MINDY3: variants seen among roughly 807,000 people sequenced by gnomAD.
MINDY3 encodes the protein MINDY lysine 48 deubiquitinase 3, also known as ubiquitin carboxyl-terminal hydrolase MINDY-3.
In MINDY3, 38 loss-of-function variants were observed where a neutral mutation model predicts 69.2. The observed-to-expected ratio is 0.55, with a 90% CI of 0.42 to 0.72. The LOEUF (loss-of-function observed/expected upper bound fraction) is 0.72. MINDY3 is among the 30% of genes least tolerant of loss of function. MINDY3 has a pLI of 0.00. For missense variants in MINDY3, 522 were observed against 519.0 expected (o/e 1.01, Z -0.06); for synonymous variants, 192 against 180.1 (o/e 1.07, Z -0.53).
rs1836314640 is a variant in MINDY3 at position 15,779,111 on chromosome 10, T to G, written c.1219A>C (p.Met407Leu). 6.2e-7 allele frequency: 1 copy of G among 1,613,458 alleles called. No homozygotes were observed. The highest frequency in any genetic ancestry group is 8.5e-7 in the Non-Finnish European group (1 of 1,179,736). The change falls in exon 15 of 15, where the codon ATG (methionine) becomes CTG (leucine). Residue 407 changes from methionine (M) to leucine (L), a missense_variant. Physicochemically the swap from Met to Leu is conservative, Grantham distance 15. Coordinates refer to ENST00000277632, the MANE Select transcript of MINDY3 (RefSeq NM_024948.4). The stretch of plus-strand genomic sequence containing the variant: ...TGTAGCATGGGATCTTCAAAACCCA[T>G]CACAACTGCAGTCCCTTCTACGTAC... The part of the protein sequence containing the change: ...VMYVEGTAVV[M>L]GFEDPMLQTD...
At position 15,823,466 on chromosome 10, in the gene MINDY3, G is replaced by A. The variant is rs550784932; in HGVS notation, c.731-1740C>T. ...ATCCGGCTGTCTACTAATAAGCCAA[G>A]CATTAAAGGGATTTGCAAAAATTTA... On this transcript the variant is annotated intron_variant, in intron 8 of 14. Coordinates refer to ENST00000277632, the MANE Select transcript of MINDY3 (RefSeq NM_024948.4). 1.4e-4 allele frequency among the ~76,000 whole-genome samples: 22 copies of A among 152,174 alleles called. 1 individual carries two copies. In the South Asian group the frequency reaches 4.4e-3, roughly 30 times the overall value.
intron 2 of MINDY3, among the ~76,000 whole-genome samples, chr10:15,847,045 T>C (rs1020519932): frequency 4.6e-5 from 7 of 152,080 alleles, no homozygotes; most frequent in African/African-American, 1.7e-4. Context: ...TAATACCCAA[T>C]GAATAATAAA....
chr10:15,848,083 A>C, intron 1 of MINDY3, 140 bp from the exon 2 acceptor site: 2 of 674,548 alleles, frequency 3.0e-6, no homozygotes, highest in Non-Finnish European at 5.1e-6. Flanking sequence ...GGATCAAGGA[A>C]CCTTTTGAAA....
At chr10:15,790,606 A>G (rs953114480) in intron 11 of MINDY3, among the ~76,000 whole-genome samples, 17 of 152,158 alleles carry the variant, frequency 1.1e-4, no homozygotes, top group African/African-American at 3.6e-4. Flanking sequence ...ACCAACAGAC[A>G]GGAACAATTA....
intron 11 of MINDY3, among the ~76,000 whole-genome samples, chr10:15,794,348 G>GA (rs922841178): frequency 6.6e-6 from 1 of 151,720 alleles, no homozygotes; most frequent in African/African-American, 2.4e-5. Flanking sequence ...TAAGTGAAAA[G>GA]AAAAAAAACT....
chr10:15,782,123 T>G (rs764556987), intron 14 of MINDY3, 32 bp downstream of exon 14: 17 of 1,492,346 alleles, frequency 1.1e-5, no homozygotes, highest in Admixed American at 1.7e-5. Context: ...ATCAACCCAG[T>G]TGAACACCGA....
intron 1 of MINDY3, among the ~76,000 whole-genome samples, chr10:15,852,901 C>T (rs1302775896): frequency 6.6e-6 from 1 of 152,248 alleles, no homozygotes; most frequent in Admixed American, 6.5e-5. Context: ...TTTTTCATAT[C>T]ATTCCCTAAA....
chr10:15,810,597 T>C (rs1490082222), intron 10 of MINDY3, among the ~76,000 whole-genome samples: 12 of 152,136 alleles, frequency 7.9e-5, no homozygotes, highest in Admixed American at 7.9e-4. Flanking sequence ...AGTAATAACA[T>C]GGTCATCTCA....
intron 1 of MINDY3, among the ~76,000 whole-genome samples, chr10:15,854,361 C>G (rs1834542092): frequency 1.3e-5 from 2 of 152,100 alleles, no homozygotes; most frequent in South Asian, 4.1e-4. Context: ...TTGCCACAGA[C>G]TGGAGAAGCC....
chr10:15,860,159 G>A, intron 1 of MINDY3, 47 bp downstream of exon 1: 1 of 1,432,242 alleles, frequency 7.0e-7, no homozygotes, highest in Non-Finnish European at 9.7e-7. Context: ...GACTCTCGCA[G>A]GGCAAAAGAA....
intron 11 of MINDY3, among the ~76,000 whole-genome samples, chr10:15,789,644 C>T (rs2131851866): frequency 6.6e-6 from 1 of 152,196 alleles, no homozygotes; most frequent in East Asian, 1.9e-4. Context: ...TTAGGTTTAT[C>T]TTTCAATAAA....
chr10:15,790,983 A>G (rs1156564593), intron 11 of MINDY3, among the ~76,000 whole-genome samples: 1 of 152,124 alleles, frequency 6.6e-6, no homozygotes, highest in Non-Finnish European at 1.5e-5. Flanking sequence ...CAAAAACAAC[A>G]ATGTGACCTT....
At chr10:15,845,784 G>A (rs1182410949) in intron 2 of MINDY3, among the ~76,000 whole-genome samples, 2 of 149,482 alleles carry the variant, frequency 1.3e-5, no homozygotes, top group Admixed American at 1.3e-4. Flanking sequence ...TGGGCTTACA[G>A]GTGTGAGCCA....
intron 10 of MINDY3, among the ~76,000 whole-genome samples, chr10:15,811,066 T>C (rs1349400833): frequency 6.6e-6 from 1 of 152,110 alleles, no homozygotes; most frequent in African/African-American, 2.4e-5. Context: ...AAAATTCAGT[T>C]TTCAAACTCT....
rs145424155 is a variant in MINDY3, at chr10:15,820,948, TA to T, written c.801+707del. Among the ~76,000 whole-genome samples, 646 of 152,234 alleles carry T rather than the reference TA, an allele frequency of 4.2e-3. 19 individuals carry two copies. In the East Asian group the frequency reaches 0.056, roughly 13 times the overall value. Reference sequence around the variant, plus strand: ...AACATAGCAAGACCCTGTCTCTATTTAAAAAAATTTTTTTAATGAAAAAGAA... The same window carrying T: ...AACATAGCAAGACCCTGTCTCTATTTAAAAAATTTTTTTAATGAAAAAGAA... On this transcript the variant is annotated intron_variant, in intron 9 of 14. Coordinates refer to ENST00000277632, the MANE Select transcript of MINDY3 (RefSeq NM_024948.4).
At chr10:15,813,706 A>G (rs1351529526) in intron 10 of MINDY3, among the ~76,000 whole-genome samples, 1 of 152,082 alleles carries the variant, frequency 6.6e-6, no homozygotes, top group Non-Finnish European at 1.5e-5. Flanking sequence ...AACTATTACC[A>G]CCTTCACCGC....
chr10:15,814,130 G>T (rs1839197477), intron 10 of MINDY3, among the ~76,000 whole-genome samples: 1 of 152,120 alleles, frequency 6.6e-6, no homozygotes, highest in African/African-American at 2.4e-5. Flanking sequence ...ATGTGGTGAA[G>T]ACTATATGAA....
At position 15,780,289 on chromosome 10, in the gene MINDY3, T is replaced by C. The variant is rs116581246; in HGVS notation, c.1189-1148A>G. Among the ~76,000 whole-genome samples, 926 of 152,304 alleles carry C rather than the reference T, an allele frequency of 6.1e-3. 14 individuals are homozygous for C. Among genetic ancestry groups the C allele is most frequent in the African/African-American group, 0.02 (828 of 41,574 alleles). ...TTCCTAAGAAAGTGCTAAAGATACA[T>C]TGTAACGTGAAATACATTTTTTGGC... On this transcript the variant is annotated intron_variant, in intron 14 of 14. Coordinates refer to ENST00000277632, the MANE Select transcript of MINDY3 (RefSeq NM_024948.4).
At chr10:15,840,247 T>C (rs1203561367) in intron 4 of MINDY3, among the ~76,000 whole-genome samples, 2 of 151,748 alleles carry the variant, frequency 1.3e-5, no homozygotes, top group African/African-American at 2.4e-5. Flanking sequence ...AGTGACACTT[T>C]GGACTAGCAT....
Sources: allele counts gnomAD v4.1 joint callset (sites outside exome capture counted in the v4.1 genomes callset), GRCh38; gene constraint gnomAD v4.1.1; transcripts MANE v1.5; gene names NCBI Gene and HGNC (gene_info 2026-07-23, HGNC 2026-07-21).